Variants in NPC2 observed in about 807,000 individuals in gnomAD.
NPC2 encodes NPC intracellular cholesterol transporter 2.
In NPC2, 14 loss-of-function variants were observed where a neutral mutation model predicts 17.0. The ratio of observed to expected loss-of-function variants is 0.82; its 90% CI spans 0.54 to 1.29. NPC2 has a LOEUF of 1.29. Ranked by LOEUF, NPC2 falls within the 50% of genes most tolerant of loss-of-function variation. The pLI, the probability that NPC2 is intolerant of heterozygous loss-of-function variation, is 0.00. For synonymous variants in NPC2, 75 were observed against 69.3 expected, an observed-to-expected ratio of 1.08 and a Z score of -0.41; for missense variants, 167 against 183.4, an observed-to-expected ratio of 0.91 and a Z score of 0.52.
intron 2 of NPC2, among the ~76,000 whole-genome samples, chr14:74,485,293 A>C (rs2086698934): frequency 1.4e-5 from 1 of 72,486 alleles, no homozygotes; most frequent in South Asian, 6.1e-4. Flanking sequence ...AGACTCTGTC[A>C]CAAAAAAAAA....
At chr14:74,493,340 G>A, upstream of NPC2, 2 of 1,576,836 alleles carry the variant, frequency 1.3e-6, no homozygotes, top group Non-Finnish European at 1.7e-6. This position sits in a 1 kb window ranked among gnomAD's most constrained non-coding sequence, Gnocchi z 4.1. Context: ...AGACAAACCT[G>A]TCGGGGCGGG....
intron 2 of NPC2, 97 bp downstream of exon 2, chr14:74,486,232 G>A: frequency 9.0e-7 from 1 of 1,107,632 alleles, no homozygotes; most frequent in Non-Finnish European, 1.3e-6. Flanking sequence ...ATTCATGACT[G>A]CCAATTCCCC....
rs59750333 is a variant in NPC2 at position 74,488,217 on chromosome 14, G to T, written c.83-1781C>A. 6.0e-3 allele frequency among the ~76,000 whole-genome samples: 914 copies of T among 152,272 alleles called. 4 individuals are homozygous for T. Among genetic ancestry groups the T allele is most frequent in the African/African-American group, 0.021 (886 of 41,546 alleles). On this transcript the variant is annotated intron_variant, in intron 1 of 4. Transcript: ENST00000555619. ...GAGGTTCAACCCCTATATCCTCTGT[G>T]ATTTTCAGTGATGAAGTATCTTCTA...
Position 74,483,497 on chromosome 14 carries a change from C to A in NPC2, c.363+918G>T, listed in dbSNP as rs2086676527. On this transcript the variant is annotated intron_variant, in intron 3 of 4. Coordinates refer to ENST00000555619, the MANE Select transcript of NPC2 (RefSeq NM_006432.5). ...GAAACAGCCTAAAAAGAAATCATGT[C>A]TGCTGCTCTAGGCCCATAGTCAGCA... 2.6e-6 allele frequency: 4 copies of A among 1,562,568 alleles called. No individual in the cohort carries two copies. The Admixed American group carries it at 5.1e-5, about 20-fold the overall frequency.
Position 74,493,288 on chromosome 14 carries a change from G to T in NPC2, c.-14C>A, listed in dbSNP as rs771742491. On this transcript the variant is annotated 5_prime_UTR_variant, in exon 1 of 5. Transcript: ENST00000555619. This position sits in a 1 kb window ranked among gnomAD's most constrained non-coding sequence, Gnocchi z 4.1. ...CAGGAAACGCATCGCGGATAACGAA[G>T]TTCCAAGCTCGGGAAAGAAGCAGCG... 23 of 1,611,874 alleles carry T rather than the reference G, an allele frequency of 1.4e-5. 1 individual carries two copies. The highest frequency in any genetic ancestry group is 3.3e-4 in the Middle Eastern group (2 of 6,056).
In NPC2 at chr14:74,484,593, A is replaced by G; in HGVS notation, c.191-6T>C. On this transcript the variant is annotated splice_polypyrimidine_tract_variant and splice_region_variant and intron_variant, in intron 2 of 4. Coordinates refer to ENST00000555619, the MANE Select transcript of NPC2 (RefSeq NM_006432.5). ...GCTGCTTTTAGACTGAATATCTAAG[A>G]GAAAAAAAGAGAATCAGATGGCAAA... The G allele has an allele frequency of 6.2e-7, 1 of 1,614,024 alleles. No individual in the cohort carries two copies. Among genetic ancestry groups the G allele is most frequent in the Non-Finnish European group, 8.5e-7 (1 of 1,179,988 alleles).
chr14:74,493,138 T>C lies in NPC2; in HGVS notation c.82+55A>G. 1 of 1,560,262 alleles carries C rather than the reference T, an allele frequency of 6.4e-7. No individual in the cohort carries two copies. The highest frequency in any genetic ancestry group is 8.7e-7 in the Non-Finnish European group (1 of 1,152,106). Reference sequence around the variant, plus strand: ...AGCCCCAGGGGTCTCAGCGCGGGGGTCCGGCGGGGCCTTCCACAGAGGGCG... The same window carrying C: ...AGCCCCAGGGGTCTCAGCGCGGGGGCCCGGCGGGGCCTTCCACAGAGGGCG... On this transcript the variant is annotated intron_variant, in intron 1 of 4. Transcript: ENST00000555619. The surrounding 1 kb of genome is among the most constrained non-coding windows in gnomAD (Gnocchi z 4.1).
At position 74,493,043 on chromosome 14, in the gene NPC2, C is replaced by G; in HGVS notation, c.82+150G>C. 1 of 995,324 alleles carries G rather than the reference C, an allele frequency of 1.0e-6. No individual in the cohort carries two copies. The allele number at this position is 995,324 out of a possible 1,614,324, so 61.7% of individuals were successfully genotyped here. ...TTCATGGAGGCCGGCGCCTTCTCCC[C>G]CGACCCAGCCCATTCCAGTTAGGTA... On this transcript the variant is annotated intron_variant, in intron 1 of 4. Coordinates refer to ENST00000555619, the MANE Select transcript of NPC2 (RefSeq NM_006432.5). The surrounding 1 kb of genome is among the most constrained non-coding windows in gnomAD (Gnocchi z 4.1).
At chr14:74,485,668 C>G (rs564567901) in intron 2 of NPC2, among the ~76,000 whole-genome samples, 35 of 152,224 alleles carry the variant, frequency 2.3e-4, no homozygotes, top group Non-Finnish European at 7.4e-5. Flanking sequence ...TCTAGTTTCA[C>G]AGGACAGAAA....
At chr14:74,482,765 G>C (rs931064808) in intron 3 of NPC2, among the ~76,000 whole-genome samples, 4 of 152,120 alleles carry the variant, frequency 2.6e-5, no homozygotes, top group Non-Finnish European at 5.9e-5. Context: ...AATTTCTTCA[G>C]CTGTAAAATA....
At chr14:74,484,350 C>T in intron 3 of NPC2, 65 bp downstream of exon 3, 1 of 1,554,502 alleles carries the variant, frequency 6.4e-7, no homozygotes, top group Non-Finnish European at 8.9e-7. Flanking sequence ...GCTTCTTGCC[C>T]ACTGCCCTCA....
chr14:74,490,902 A>G (rs1385512270), intron 1 of NPC2, among the ~76,000 whole-genome samples: 2 of 152,200 alleles, frequency 1.3e-5, no homozygotes, highest in Admixed American at 6.5e-5. Context: ...TTTTTCAAAT[A>G]AGTAGAATAA....
At position 74,480,233 on chromosome 14, in the gene NPC2, A is replaced by G. The variant is rs565498883; in HGVS notation, c.*41T>C. On this transcript the variant is annotated 3_prime_UTR_variant, in exon 5 of 5. Transcript: ENST00000555619. ...AGCTGGAGGTGCTGTCAAGAGTCTC[A>G]GCAGACTCATTGGCCAGATGCACCG... 1.2e-6 allele frequency: 2 copies of G among 1,614,160 alleles called. No homozygotes were observed. Among genetic ancestry groups the G allele is most frequent in the African/African-American group, 1.3e-5 (1 of 75,048 alleles).
At chr14:74,484,360 A>G in intron 3 of NPC2, 55 bp downstream of exon 3, 1 of 1,590,674 alleles carries the variant, frequency 6.3e-7, no homozygotes, top group South Asian at 1.1e-5. Context: ...CACTGCCCTC[A>G]GAACTCTAAT....
At chr14:74,489,837 G>T (rs1218724117) in intron 1 of NPC2, among the ~76,000 whole-genome samples, 1 of 152,190 alleles carries the variant, frequency 6.6e-6, no homozygotes, top group Non-Finnish European at 1.5e-5. Context: ...GCTACTTACT[G>T]TATAGCCTCA....
At chr14:74,482,875 C>T (rs1384722656) in intron 3 of NPC2, 16 of 433,024 alleles carry the variant, frequency 3.7e-5, no homozygotes, top group Admixed American at 2.2e-4. Context: ...GAAGCAGGAG[C>T]CGCAGCTGGG....
intron 3 of NPC2, among the ~76,000 whole-genome samples, chr14:74,483,801 C>G (rs1461500103): frequency 1.3e-5 from 2 of 152,198 alleles, no homozygotes; most frequent in Admixed American, 1.3e-4. Context: ...GATATTGCTA[C>G]TATAATCAAA....
chr14:74,480,205 C>A lies in NPC2; in HGVS notation c.*69G>T. Reference sequence around the variant, plus strand: ...GAGCAAGTCACTGTTGTTGAAGCAGCAGAGCTGGAGGTGCTGTCAAGAGTC... The same window carrying A: ...GAGCAAGTCACTGTTGTTGAAGCAGAAGAGCTGGAGGTGCTGTCAAGAGTC... On this transcript the variant is annotated 3_prime_UTR_variant, in exon 5 of 5. Transcript: ENST00000555619. 1 of 1,613,964 alleles carries A rather than the reference C, an allele frequency of 6.2e-7. No individual in the cohort carries two copies. The highest frequency in any genetic ancestry group is 8.5e-7 in the Non-Finnish European group (1 of 1,179,972).
At chr14:74,487,185 G>A (rs925888897) in intron 1 of NPC2, among the ~76,000 whole-genome samples, 4 of 151,774 alleles carry the variant, frequency 2.6e-5, no homozygotes, top group Admixed American at 2.6e-4. Flanking sequence ...TCCTGACCTC[G>A]TGGTCTGCCT....
Sources: gnomAD v4.1 joint callset for allele counts (sites outside exome capture counted in the v4.1 genomes callset) on GRCh38, gnomAD v4.1.1 for gene constraint, Gnocchi (gnomAD v3.1) non-coding constraint, MANE v1.5 for transcripts, NCBI Gene and HGNC (gene_info 2026-07-23, HGNC 2026-07-21) for gene names.